Variants in MYO1B observed in about 807,000 individuals in gnomAD.
The protein encoded by MYO1B is unconventional myosin-Ib.
A neutral mutation model predicts 159.7 loss-of-function variants in MYO1B; 72 were observed. The ratio of observed to expected loss-of-function variants is 0.45; its 90% confidence interval spans 0.37 to 0.55. MYO1B has a LOEUF of 0.55. Ranked by LOEUF, MYO1B falls within the 20% of genes least tolerant of loss-of-function variation. The pLI is 0.00. For missense variants in MYO1B, 1,062 were observed against 1,364.8 expected, an observed-to-expected ratio of 0.78 and a Z score of 3.50; for synonymous variants, 468 against 473.8, an observed-to-expected ratio of 0.99 and a Z score of 0.16.
intron 4 of MYO1B, among the ~76,000 whole-genome samples, chr2:191,340,625 C>T (rs866469218): frequency 1.3e-5 from 2 of 152,042 alleles, no homozygotes; most frequent in Admixed American, 1.3e-4. Context: ...GAAAAGGCTG[C>T]GTTTTTTTGT....
chr2:191,340,826 A>G (rs746388683), intron 4 of MYO1B, among the ~76,000 whole-genome samples: 37 of 151,994 alleles, frequency 2.4e-4, no homozygotes, highest in Non-Finnish European at 4.6e-4. Context: ...CCCGGGTTCA[A>G]GCACTCCTTC....
At chr2:191,271,221 C>G (rs1382515431) in intron 1 of MYO1B, among the ~76,000 whole-genome samples, 1 of 152,186 alleles carries the variant, frequency 6.6e-6, no homozygotes, top group Non-Finnish European at 1.5e-5. Context: ...GAAGAAGAAT[C>G]CCTGTAGGTG....
chr2:191,316,475 A>G (rs770824344), intron 3 of MYO1B, among the ~76,000 whole-genome samples: 22 of 152,196 alleles, frequency 1.4e-4, no homozygotes, highest in Non-Finnish European at 1.9e-4. Context: ...TGAAGTACAC[A>G]TATTTGAAGA....
In MYO1B at chr2:191,414,674, A is replaced by G; in HGVS notation, c.3159+5A>G. ...TTCGCCGTCCACCTCAAAGAGGTAAAGGTTCAACAGAAGATTTCTGTGCTT... is the reference window on the plus strand; with the variant it reads ...TTCGCCGTCCACCTCAAAGAGGTAAGGGTTCAACAGAAGATTTCTGTGCTT... On this transcript the variant is annotated splice_donor_5th_base_variant and intron_variant, in intron 29 of 30. Coordinates refer to ENST00000392318, the MANE Select transcript of MYO1B (RefSeq NM_001130158.3). 6.2e-7 allele frequency: 1 copy of G among 1,601,412 alleles called. No homozygotes were observed. Among genetic ancestry groups the G allele is most frequent in the South Asian group, 1.2e-5 (1 of 86,864 alleles).
Position 191,331,227 on chromosome 2 carries a change from G to A in MYO1B, c.346+1198G>A, listed in dbSNP as rs114700103. Reference sequence around the variant, plus strand: ...AGGCTCTAGGTGGTCAGAAATGAAGGGAAAAGGACTGGCATGTAAGAGCCT... The same window carrying A: ...AGGCTCTAGGTGGTCAGAAATGAAGAGAAAAGGACTGGCATGTAAGAGCCT... On this transcript the variant is annotated intron_variant, in intron 4 of 30. Transcript: ENST00000392318. 4.2e-3 allele frequency among the ~76,000 whole-genome samples: 634 copies of A among 152,008 alleles called. 9 individuals are homozygous for A. Among genetic ancestry groups the A allele is most frequent in the African/African-American group, 0.014 (578 of 41,324 alleles).
At chr2:191,275,278 A>G (rs1460809052) in intron 1 of MYO1B, among the ~76,000 whole-genome samples, 1 of 152,018 alleles carries the variant, frequency 6.6e-6, no homozygotes, top group East Asian at 1.9e-4. Flanking sequence ...AAGTTACTCT[A>G]TTGTTTTTCT....
chr2:191,363,305 G>A (rs1286820779), intron 9 of MYO1B, among the ~76,000 whole-genome samples: 1 of 152,164 alleles, frequency 6.6e-6, no homozygotes, highest in Non-Finnish European at 1.5e-5. Context: ...CTGTTACCCA[G>A]TATCTTGGGC....
chr2:191,309,221 G>A lies in MYO1B; in HGVS notation c.251+12995G>A, dbSNP rs536947759. ...CCTCTTCTCTTTCTCACCTTGGTCA[G>A]TGGCAGCATCATCCTTTGGTTACTC... is the stretch of plus-strand genomic sequence containing the variant. On this transcript the variant is annotated intron_variant, in intron 3 of 30. Transcript: ENST00000392318. Among the ~76,000 whole-genome samples the A allele has an allele frequency of 3.9e-5, 6 of 152,298 alleles. No individual in the cohort carries two copies. In the East Asian group the frequency reaches 1.2e-3, roughly 29 times the overall value.
Position 191,341,514 on chromosome 2 carries a change from G to A in MYO1B, c.400G>A (p.Glu134Lys). 6.2e-7 allele frequency: 1 copy of A among 1,614,060 alleles called. No individual in the cohort carries two copies. Reference protein sequence around the residue: ...YVAAVCGKGAEVNQVKEQLLQ... With the variant: ...YVAAVCGKGAKVNQVKEQLLQ... ...GGCAGCTGTTTGTGGAAAAGGAGCA[G>A]AAGTTAATCAAGTTAAAGAACAGCT... Residue 134 changes from glutamate to lysine, a missense_variant, in exon 5 of 31, where the codon GAA becomes AAA. Coordinates refer to ENST00000392318, the MANE Select transcript of MYO1B (RefSeq NM_001130158.3).
intron 5 of MYO1B, among the ~76,000 whole-genome samples, chr2:191,343,796 C>T (rs552410593): frequency 3.9e-5 from 6 of 152,228 alleles, no homozygotes; most frequent in Admixed American, 6.5e-5. Context: ...GAAATGTCTA[C>T]TGTGGGCATG....
intron 4 of MYO1B, among the ~76,000 whole-genome samples, chr2:191,338,413 T>C (rs1435352444): frequency 6.6e-6 from 1 of 152,240 alleles, no homozygotes; most frequent in African/African-American, 2.4e-5. Flanking sequence ...TCAGTTTAAA[T>C]GAATCCATCT....
chr2:191,412,458 G>T (rs545837704), intron 27 of MYO1B, among the ~76,000 whole-genome samples: 2 of 152,212 alleles, frequency 1.3e-5, no homozygotes, highest in East Asian at 3.9e-4. Flanking sequence ...AGTCCTTTTT[G>T]GGTAGTCTTA....
rs1694226971 is a variant in MYO1B, at chr2:191,369,467, T to C, written c.1033-75T>C. 8 of 1,089,012 alleles carry C rather than the reference T, an allele frequency of 7.3e-6. 1 individual carries two copies. Among genetic ancestry groups the C allele is most frequent in the Middle Eastern group, 2.2e-4 (1 of 4,506 alleles). The allele number at this position is 1,089,012 out of a possible 1,614,324, so 67.5% of individuals were successfully genotyped here. ...AAGAGCTTCAAATATTTTTTAAAAG[T>C]ATCTTTATGATTTTATTAAAAGTAA... On this transcript the variant is annotated intron_variant, in intron 11 of 30. Transcript: ENST00000392318.
chr2:191,288,209 T>G lies in MYO1B; in HGVS notation c.136-7902T>G, dbSNP rs185660450. ...GTTTGAGTCCCTGGCAAATTGTACT[T>G]AAAAAAATATATTTTGAAGAAGATA... On this transcript the variant is annotated intron_variant, in intron 2 of 30. Coordinates refer to ENST00000392318, the MANE Select transcript of MYO1B (RefSeq NM_001130158.3). Among the ~76,000 whole-genome samples, 10 of 149,996 alleles carry G rather than the reference T, an allele frequency of 6.7e-5. No individual in the cohort carries two copies. The East Asian group carries it at 1.8e-3, about 26-fold the overall frequency.
Position 191,423,869 on chromosome 2 carries a change from G to C in MYO1B, c.3320G>C (p.Cys1107Ser), listed in dbSNP as rs1225873161. Residue 1107 changes from cysteine (C) to serine (S), a missense_variant, in exon 31 of 31, where the codon TGT becomes TCT. Around this residue, in one of 5 missense-constraint regions of MYO1B, gnomAD observed 609 missense variants for 744.4 expected, o/e 0.82. Transcript: ENST00000392318. ...GTACAGTTCAGACAGGACAAAGTAT[G>C]TGTGAAGTTTATTCAGGGAAACCAG... The part of the protein sequence containing the change: ...FLVQFRQDKV[C>S]VKFIQGNQKN... 3.7e-6 allele frequency: 6 copies of C among 1,614,046 alleles called. No homozygotes were observed. Among genetic ancestry groups the C allele is most frequent in the Non-Finnish European group, 5.1e-6 (6 of 1,179,922 alleles).
chr2:191,287,728 T>A lies in MYO1B; in HGVS notation c.136-8383T>A, dbSNP rs77724202. Among the ~76,000 whole-genome samples, 3 of 152,340 alleles carry A rather than the reference T, an allele frequency of 2.0e-5. No individual in the cohort carries two copies. In the East Asian group the frequency reaches 5.8e-4, roughly 29 times the overall value. ...CTTAAATACTATACTTAGGTCAGAA[T>A]GATGTGGGTTCAAATCCCATCAGTT... is the stretch of plus-strand genomic sequence containing the variant. On this transcript the variant is annotated intron_variant, in intron 2 of 30. Coordinates refer to ENST00000392318, the MANE Select transcript of MYO1B (RefSeq NM_001130158.3).
intron 21 of MYO1B, among the ~76,000 whole-genome samples, chr2:191,399,623 C>T (rs1429025839): frequency 1.3e-5 from 2 of 152,202 alleles, no homozygotes; most frequent in Non-Finnish European, 2.9e-5. Context: ...AGGGGTAGTG[C>T]CCAGGCCTGG....
intron 7 of MYO1B, 25 bp from the exon 8 acceptor site, chr2:191,360,606 A>G (rs778073460): frequency 9.0e-6 from 13 of 1,441,442 alleles, no homozygotes; most frequent in East Asian, 6.9e-5. Flanking sequence ...CAAATGCCAT[A>G]CTATGATTTA....
chr2:191,396,158 T>TGTTATA (rs1265778102), intron 20 of MYO1B, among the ~76,000 whole-genome samples: 1 of 152,188 alleles, frequency 6.6e-6, no homozygotes, highest in African/African-American at 2.4e-5. Flanking sequence ...AACCCTGTAT[T>TGTTATA]ATAACAGCAT....
Sources: gnomAD v4.1 joint callset for allele counts (sites outside exome capture counted in the v4.1 genomes callset) on GRCh38, gnomAD v4.1.1 for gene constraint, gnomAD v4.1.1 regional missense constraint, MANE v1.5 for transcripts, NCBI Gene and HGNC (gene_info 2026-07-23, HGNC 2026-07-21) for gene names.